Variants in TOP3A observed in about 807,000 individuals in gnomAD.
The protein encoded by TOP3A is DNA topoisomerase 3-alpha.
In TOP3A, 64 loss-of-function variants were observed where a neutral mutation model predicts 111.3. The observed-to-expected ratio is 0.57, with a 90% CI of 0.47 to 0.71. TOP3A has a LOEUF of 0.71. Ranked by LOEUF, TOP3A falls within the 30% of genes least tolerant of loss-of-function variation. TOP3A has a pLI of 0.00. For synonymous variants in TOP3A, 484 were observed against 485.1 expected (o/e 1.00, Z 0.03); for missense variants, 1,104 against 1,285.0 (o/e 0.86, Z 2.15).
intron 9 of TOP3A, among the ~76,000 whole-genome samples, chr17:18,298,552 G>C (rs1378676456): frequency 1.3e-5 from 2 of 151,192 alleles, no homozygotes; most frequent in East Asian, 3.9e-4. Context: ...TCTGGGAGGT[G>C]TACCCAACAG....
chr17:18,287,869 G>A (rs2386458), intron 13 of TOP3A, among the ~76,000 whole-genome samples: 54,448 of 151,080 alleles, frequency 0.36, 10,792 homozygotes, highest in African/African-American at 0.52. Flanking sequence ...GTGGTGGTGC[G>A]TGCCTGTAAG....
In TOP3A at chr17:18,307,292, A is replaced by G. The variant is rs569466833; in HGVS notation, c.315-326T>C. 3 of 214,600 alleles carry G rather than the reference A, an allele frequency of 1.4e-5. No homozygotes were observed. The South Asian group carries it at 2.7e-4, about 19-fold the overall frequency. The allele number at this position is 214,600 out of a possible 1,614,324, so 13.3% of individuals were successfully genotyped here. ...AATTCACAATGGATCAGATAATCCT[A>G]GGTCATCTTAGTATTATAAATTACT... On this transcript the variant is annotated intron_variant, in intron 3 of 18. Coordinates refer to ENST00000321105, the MANE Select transcript of TOP3A (RefSeq NM_004618.5).
rs1981752220 is a variant in TOP3A, at chr17:18,308,985, C to A, written c.181-44G>T. 5.5e-6 allele frequency: 6 copies of A among 1,088,252 alleles called. No individual in the cohort carries two copies. In the East Asian group the frequency reaches 1.7e-4, roughly 30 times the overall value. 67.4% of individuals were successfully genotyped at this position (1,088,252 alleles called of 1,614,324 possible). A position where few individuals can be genotyped will look rare whatever the true frequency, so the allele number is the denominator to read the frequency against. ...TAAAAAATATAAATTACGTTTAAAA[C>A]AATGGATTCCTTTGTATAATTCTTT... On this transcript the variant is annotated intron_variant, in intron 1 of 18. Coordinates refer to ENST00000321105, the MANE Select transcript of TOP3A (RefSeq NM_004618.5).
intron 5 of TOP3A, among the ~76,000 whole-genome samples, chr17:18,304,402 G>A (rs1981430185): frequency 6.6e-6 from 1 of 152,178 alleles, no homozygotes; most frequent in Non-Finnish European, 1.5e-5. Context: ...GTCCTTGAAA[G>A]TTAATGCACT....
In TOP3A at chr17:18,278,109, G is replaced by A; in HGVS notation, c.2393C>T (p.Thr798Ile). The A allele has an allele frequency of 1.9e-6, 3 of 1,614,238 alleles. No individual in the cohort carries two copies. Among genetic ancestry groups the A allele is most frequent in the Non-Finnish European group, 2.5e-6 (3 of 1,180,042 alleles). The change falls in exon 18 of 19, where the codon ACC (threonine) becomes ATC (isoleucine). Residue 798 changes from threonine to isoleucine, a missense_variant. Physicochemically the swap from Thr to Ile is moderately conservative, Grantham distance 89 (BLOSUM62 -1). Coordinates refer to ENST00000321105, the MANE Select transcript of TOP3A (RefSeq NM_004618.5). Reference protein sequence around the residue: ...QTGSSKALAQTLPPPTAAGES... With the variant: ...QTGSSKALAQILPPPTAAGES... ...ACCAGCAGCCGTGGGTGGTGGGAGG[G>A]TCTGGGCCAGAGCCTTTGAGGACCC...
intron 7 of TOP3A, 92 bp from the exon 8 acceptor site, chr17:18,302,077 A>ACGAATATCAAT: frequency 1.4e-6 from 2 of 1,414,794 alleles, no homozygotes; most frequent in Non-Finnish European, 2.0e-6. Flanking sequence ...TGAAAGTCAA[A>ACGAATATCAAT]CGAATATCAA....
At chr17:18,299,187 A>G (rs1344338807) in intron 9 of TOP3A, among the ~76,000 whole-genome samples, 1 of 152,118 alleles carries the variant, frequency 6.6e-6, no homozygotes, top group Non-Finnish European at 1.5e-5. Context: ...GTACTTTGGG[A>G]GGCTGGGGCT....
intron 1 of TOP3A, chr17:18,311,802 T>C (rs1483352726): frequency 6.6e-6 from 1 of 152,278 alleles, no homozygotes; most frequent in African/African-American, 2.4e-5. Context: ...TATGACAGCA[T>C]GTCAGTAAGG....
intron 18 of TOP3A, among the ~76,000 whole-genome samples, chr17:18,277,031 A>C (rs1979413876): frequency 6.6e-6 from 1 of 152,124 alleles, no homozygotes; most frequent in Non-Finnish European, 1.5e-5. Context: ...CTAAAAATAC[A>C]AAATTAGCTG....
intron 9 of TOP3A, 119 bp from the exon 10 acceptor site, chr17:18,294,904 CAG>C: frequency 1.4e-6 from 1 of 690,774 alleles, no homozygotes; most frequent in Non-Finnish European, 2.6e-6. Flanking sequence ...TTCTGTCAAA[CAG>C]AGCTGAAAAG....
chr17:18,273,129 C>G lies in TOP3A; in HGVS notation c.*1673G>C, dbSNP rs1324715742. On this transcript the variant is annotated 3_prime_UTR_variant, in exon 19 of 19. Coordinates refer to ENST00000321105, the MANE Select transcript of TOP3A (RefSeq NM_004618.5). ...AGGAACCTGCATTTGTAAAAATCCT[C>G]CCCAATACCCCATCAGAACACAGAG... is the stretch of plus-strand genomic sequence containing the variant. 6.6e-6 allele frequency: 1 copy of G among 152,174 alleles called. No homozygotes were observed. The highest frequency in any genetic ancestry group is 1.5e-5 in the Non-Finnish European group (1 of 68,038). The allele number at this position is 152,174 out of a possible 1,614,324, so 9.4% of individuals were successfully genotyped here. A position where few individuals can be genotyped will look rare whatever the true frequency, so the allele number is the denominator to read the frequency against.
At chr17:18,284,069 G>C (rs1453922147) in intron 15 of TOP3A, among the ~76,000 whole-genome samples, 1 of 152,174 alleles carries the variant, frequency 6.6e-6, no homozygotes, top group East Asian at 1.9e-4. Flanking sequence ...GGGCAATCTC[G>C]GCTCATTGCA....
chr17:18,288,369 T>A (rs1179380228), intron 13 of TOP3A, among the ~76,000 whole-genome samples: 2 of 151,952 alleles, frequency 1.3e-5, no homozygotes, highest in East Asian at 3.9e-4. Context: ...TCCAGGCTGG[T>A]CTTGAACTCC....
At chr17:18,308,999 G>T in intron 1 of TOP3A, 58 bp from the exon 2 acceptor site, 1 of 959,198 alleles carries the variant, frequency 1.0e-6, no homozygotes, top group Non-Finnish European at 1.5e-6. Context: ...GGATTCCTTT[G>T]TATAATTCTT....
Position 18,295,368 on chromosome 17 carries a change from G to A in TOP3A, c.991-583C>T, listed in dbSNP as rs140544861. On this transcript the variant is annotated intron_variant, in intron 9 of 18. Transcript: ENST00000321105. ...TTGCCATGCTGGCCTGGCTGGTCTC[G>A]AACACCTGACCTCAGGTGATCTGCC... 6.1e-3 allele frequency among the ~76,000 whole-genome samples: 918 copies of A among 150,748 alleles called. 12 individuals are homozygous for A. The highest frequency in any genetic ancestry group is 0.021 in the African/African-American group (844 of 40,980).
At chr17:18,297,578 A>G (rs957157864) in intron 9 of TOP3A, among the ~76,000 whole-genome samples, 6 of 152,198 alleles carry the variant, frequency 3.9e-5, no homozygotes, top group East Asian at 1.9e-4. Context: ...GCGCGCCGCC[A>G]CACCTGACTG....
In TOP3A at chr17:18,285,308, C is replaced by A. The variant is rs1174124063; in HGVS notation, c.1712-1G>T. 6.2e-7 allele frequency: 1 copy of A among 1,613,998 alleles called. No individual in the cohort carries two copies. Among genetic ancestry groups the A allele is most frequent in the African/African-American group, 1.3e-5 (1 of 74,916 alleles). ...ATTTCATAGCCCATGGAATCATAACCTGCAGGGAGAGAGTCGAGCTCAGTG... is the reference window on the plus strand; with the variant it reads ...ATTTCATAGCCCATGGAATCATAACATGCAGGGAGAGAGTCGAGCTCAGTG... On this transcript the variant is annotated splice_acceptor_variant, in intron 14 of 18. Coordinates refer to ENST00000321105, the MANE Select transcript of TOP3A (RefSeq NM_004618.5). LOFTEE classifies it high-confidence loss of function.
At position 18,310,407 on chromosome 17, in the gene TOP3A, CAGTG is replaced by C. The variant is rs1981840573; in HGVS notation, c.181-1470_181-1467del. Among the ~76,000 whole-genome samples the C allele has an allele frequency of 5.3e-5, 8 of 152,096 alleles. No homozygotes were observed. The South Asian group carries it at 1.7e-3, about 32-fold the overall frequency. On this transcript the variant is annotated intron_variant, in intron 1 of 18. Transcript: ENST00000321105. ...CATCACTGCACTCCAGCCTGAGCGA[CAGTG>C]AGAGAGACTCCTTCTCAAAAACCAA...
chr17:18,280,004 G>T (rs1979653134), intron 17 of TOP3A, among the ~76,000 whole-genome samples: 1 of 151,968 alleles, frequency 6.6e-6, no homozygotes, highest in Admixed American at 6.6e-5. Context: ...TACAAAAAGT[G>T]GTCAGGCATA....
Sources: gnomAD v4.1 joint callset for allele counts (sites outside exome capture counted in the v4.1 genomes callset) on GRCh38, gnomAD v4.1.1 for gene constraint, MANE v1.5 for transcripts, NCBI Gene and HGNC (gene_info 2026-07-23, HGNC 2026-07-21) for gene names.